Variants in COBLL1 observed in about 807,000 individuals in gnomAD.
COBLL1 encodes cordon-bleu WH2 repeat protein like 1, also known as cordon-bleu protein-like 1.
COBLL1 carries 50 observed loss-of-function variants against 94.8 expected under a neutral mutation model. The observed-to-expected ratio is 0.53, with a 90% confidence interval of 0.42 to 0.67. The LOEUF is 0.67. COBLL1 is among the 30% of genes least tolerant of loss of function. The pLI, the probability that COBLL1 is intolerant of heterozygous loss-of-function variation, is 0.00. For synonymous variants in COBLL1, 448 were observed against 473.8 expected (o/e 0.95, Z 0.71); for missense variants, 1,362 against 1,348.7 (o/e 1.01, Z -0.15).
chr2:164,765,299 T>C (rs1190708493), intron 2 of COBLL1, among the ~76,000 whole-genome samples: 1 of 152,028 alleles, frequency 6.6e-6, no homozygotes, highest in East Asian at 1.9e-4. Context: ...AAAAACAATA[T>C]AAACACAACC....
chr2:164,799,037 A>C (rs1683626863), intron 2 of COBLL1, among the ~76,000 whole-genome samples: 2 of 151,600 alleles, frequency 1.3e-5, no homozygotes, highest in East Asian at 3.9e-4. Context: ...AAAAAAAAAA[A>C]AGAGGGGGTA....
At chr2:164,677,401 G>C (rs1213032041), downstream of COBLL1, among the ~76,000 whole-genome samples, 1 of 152,096 alleles carries the variant, frequency 6.6e-6, no homozygotes, top group African/African-American at 2.4e-5. Context: ...CAAAGGTACT[G>C]GTAGGAACAA....
At chr2:164,769,172 T>A (rs1009336277) in intron 2 of COBLL1, among the ~76,000 whole-genome samples, 2 of 151,966 alleles carry the variant, frequency 1.3e-5, no homozygotes, top group East Asian at 1.9e-4. Context: ...GAAAAAAAAA[T>A]CTCGTTTCTT....
intron 3 of COBLL1, among the ~76,000 whole-genome samples, chr2:164,730,960 G>A (rs1685977783): frequency 6.6e-6 from 1 of 152,186 alleles, no homozygotes; most frequent in Non-Finnish European, 1.5e-5. Flanking sequence ...CACAGTACAA[G>A]TATTATAGTA....
At chr2:164,756,870 A>G (rs965007190) in intron 2 of COBLL1, among the ~76,000 whole-genome samples, 1 of 152,198 alleles carries the variant, frequency 6.6e-6, no homozygotes, top group Non-Finnish European at 1.5e-5. Flanking sequence ...CTGGGTCTGC[A>G]CAAATTAGTT....
At chr2:164,773,683 G>C in intron 2 of COBLL1, 12 of 1,030,926 alleles carry the variant, frequency 1.2e-5, no homozygotes, top group Non-Finnish European at 1.6e-5. Flanking sequence ...TATTTTAAAA[G>C]TTTTACACAA....
chr2:164,839,999 T>C (rs951658896), intron 2 of COBLL1, among the ~76,000 whole-genome samples: 1 of 152,244 alleles, frequency 6.6e-6, no homozygotes, highest in Non-Finnish European at 1.5e-5. Flanking sequence ...TTTAGATTAG[T>C]CATGTTGCTT....
chr2:164,752,437 A>ACAACAG (rs60292209), intron 2 of COBLL1, among the ~76,000 whole-genome samples: 1 of 151,806 alleles, frequency 6.6e-6, no homozygotes, highest in Non-Finnish European at 1.5e-5. Context: ...AAAAACAACA[A>ACAACAG]GTGAATGAGC....
intron 2 of COBLL1, among the ~76,000 whole-genome samples, chr2:164,752,429 A>AAAC (rs113288547): frequency 1.2e-4 from 18 of 151,398 alleles, no homozygotes; most frequent in African/African-American, 1.7e-4. Context: ...AAATAAACAA[A>AAAC]AACAACAAGT....
chr2:164,766,274 T>C (rs1216856523), intron 2 of COBLL1, among the ~76,000 whole-genome samples: 2 of 152,214 alleles, frequency 1.3e-5, no homozygotes, highest in Non-Finnish European at 2.9e-5. Context: ...TCTTTGCATA[T>C]ACCCTTTTTT....
chr2:164,721,818 C>A, intron 7 of COBLL1: 1 of 223,682 alleles, frequency 4.5e-6, no homozygotes, highest in Non-Finnish European at 8.6e-6. Flanking sequence ...TTTTTTTTTG[C>A]TTGAATATGA....
chr2:164,811,636 C>G (rs1169742207), intron 2 of COBLL1, among the ~76,000 whole-genome samples: 1 of 151,786 alleles, frequency 6.6e-6, no homozygotes, highest in Non-Finnish European at 1.5e-5. Context: ...ATTCTGACTT[C>G]CAGAAAAGTC....
rs569789617 is a variant in COBLL1, at chr2:164,734,593, C to T, written c.231-4478G>A. Among the ~76,000 whole-genome samples, 111 of 152,088 alleles carry T rather than the reference C, an allele frequency of 7.3e-4. 1 individual carries two copies. The highest frequency in any genetic ancestry group is 2.2e-3 in the African/African-American group (92 of 41,486). ...TGGAGGAGCAGCTACAAGGTTATTG[C>T]GAAAATTTAGGTGGGAGATGGTGGT... On this transcript the variant is annotated intron_variant, in intron 3 of 13. Coordinates refer to ENST00000652658, the MANE Select transcript of COBLL1 (RefSeq NM_001365672.2).
At chr2:164,743,439 C>T (rs949277709) in intron 3 of COBLL1, 2 of 341,910 alleles carry the variant, frequency 5.8e-6, no homozygotes, top group Non-Finnish European at 1.1e-5. Context: ...AAATAACTAA[C>T]GAGATATGAA....
chr2:164,678,439 C>T (rs1271255521), downstream of COBLL1, among the ~76,000 whole-genome samples: 1 of 151,982 alleles, frequency 6.6e-6, no homozygotes, highest in Admixed American at 6.6e-5. Context: ...TGAAACCATA[C>T]AAAAAACTTC....
At chr2:164,805,340 T>TATATAAATATATATATATATAA (rs1559033667) in intron 2 of COBLL1, among the ~76,000 whole-genome samples, 1 of 66,822 alleles carries the variant, frequency 1.5e-5, no homozygotes, top group African/African-American at 5.0e-5. Context: ...TCTCTCTCTA[T>TATATAAATATATATATATATAA]ATATATATAT....
At chr2:164,698,596 G>C (rs926647829) in intron 11 of COBLL1, among the ~76,000 whole-genome samples, 1 of 151,582 alleles carries the variant, frequency 6.6e-6, no homozygotes. Flanking sequence ...ATTTGCATAG[G>C]ATTGTTTTTC....
At position 164,694,274 on chromosome 2, in the gene COBLL1, C is replaced by G; in HGVS notation, c.3118G>C (p.Asp1040His). ...TTTAAAAAGGCTACAGTTACCTTATCAGACACACCAAGCTGTGGGATGTCC... is the reference window on the plus strand; with the variant it reads ...TTTAAAAAGGCTACAGTTACCTTATGAGACACACCAAGCTGTGGGATGTCC... ...FVDIPQLGVS[D>H]KENNSAHNEQ... The change falls in exon 12 of 14, where the codon GAT becomes CAT. Residue 1040 changes from aspartate (D) to histidine (H), a missense_variant. By Grantham distance (81) the Asp-to-His change is moderately conservative. Transcript: ENST00000652658. 2 of 1,612,186 alleles carry G rather than the reference C, an allele frequency of 1.2e-6. No homozygotes were observed. Among genetic ancestry groups the G allele is most frequent in the Non-Finnish European group, 1.7e-6 (2 of 1,178,996 alleles).
intron 2 of COBLL1, among the ~76,000 whole-genome samples, chr2:164,765,495 T>A (rs894583852): frequency 3.9e-5 from 6 of 152,306 alleles, no homozygotes; most frequent in South Asian, 2.1e-4. Context: ...GGTATTTTTT[T>A]AAATTTCCTT....
Sources: allele counts gnomAD v4.1 joint callset (sites outside exome capture counted in the v4.1 genomes callset), GRCh38; gene constraint gnomAD v4.1.1; transcripts MANE v1.5; gene names NCBI Gene and HGNC (gene_info 2026-07-23, HGNC 2026-07-21).